P2RX5: variants seen among roughly 807,000 people sequenced by gnomAD.
P2RX5 encodes the protein P2X purinoceptor 5.
Under a neutral mutation model 54.1 loss-of-function variants are expected in P2RX5, and 46 were observed. The observed-to-expected ratio is 0.85, with a 90% CI of 0.67 to 1.09. P2RX5 has a LOEUF of 1.09. Among genes scored for constraint, P2RX5 ranks in the 50% least tolerant of loss-of-function variants. The pLI is 0.00. For missense variants in P2RX5, 566 were observed against 549.8 expected, an observed-to-expected ratio of 1.03 and a Z score of -0.29; for synonymous variants, 226 against 226.4, an observed-to-expected ratio of 1.00 and a Z score of 0.02.
At position 3,676,211 on chromosome 17, in the gene P2RX5, C is replaced by T. The variant is rs1321993758; in HGVS notation, c.1260-2334G>A. On this transcript the variant is annotated intron_variant, in intron 11 of 11. Coordinates refer to ENST00000225328, the MANE Select transcript of P2RX5 (RefSeq NM_002561.4). ...TTACGGGGAGACAACTCACATACAA[C>T]GGGGTAGGAGAAGAGAGCTAGTCAG... 10 of 985,400 alleles carry T rather than the reference C, an allele frequency of 1.0e-5. No individual in the cohort carries two copies. In the Admixed American group the frequency reaches 1.8e-4, roughly 18 times the overall value. The allele number at this position is 985,400 out of a possible 1,614,324, so 61.0% of individuals were successfully genotyped here.
the P2RX5 span, among the ~76,000 whole-genome samples, chr17:3,712,850 G>A: frequency 6.6e-6 from 1 of 152,148 alleles, no homozygotes; most frequent in Non-Finnish European, 1.5e-5. Context: ...GGGTGAGGCA[G>A]GAGAATTGCT....
Position 3,690,588 on chromosome 17 carries a change from C to T in P2RX5, c.436+17G>A, listed in dbSNP as rs1273600562. On this transcript the variant is annotated intron_variant, in intron 4 of 11. Transcript: ENST00000225328. ...CTCCGAGTCCTCCTTCAGCCCGTGG[C>T]CGCTCCAGGCCCTCACCGTTTCCAG... 1 of 1,613,338 alleles carries T rather than the reference C, an allele frequency of 6.2e-7. No homozygotes were observed. Among genetic ancestry groups the T allele is most frequent in the Non-Finnish European group, 8.5e-7 (1 of 1,179,846 alleles).
chr17:3,696,720 G>A (rs974229661), upstream of P2RX5, among the ~76,000 whole-genome samples: 2 of 152,192 alleles, frequency 1.3e-5, no homozygotes, highest in African/African-American at 2.4e-5. Flanking sequence ...GATTACAGGC[G>A]TGAGCCACCG....
the P2RX5 span, among the ~76,000 whole-genome samples, chr17:3,703,751 A>G: frequency 6.6e-6 from 1 of 151,994 alleles, no homozygotes. Flanking sequence ...GATTCCAACA[A>G]ACCCAAAAAA....
the P2RX5 span, among the ~76,000 whole-genome samples, chr17:3,702,337 A>ACTCTGTAAAATGGACCAATCAGCG: frequency 6.6e-6 from 1 of 152,144 alleles, no homozygotes; most frequent in Non-Finnish European, 1.5e-5. Context: ...ACCAACCAGC[A>ACTCTGTAAAATGGACCAATCAGCG]CTCTGTAAAA....
the P2RX5 span, among the ~76,000 whole-genome samples, chr17:3,703,745 C>G: frequency 2.6e-5 from 4 of 151,940 alleles, no homozygotes; most frequent in Admixed American, 2.6e-4. Context: ...GCCTGAGATT[C>G]CAACAAACCC....
chr17:3,696,563 TC>T (rs1165609469), upstream of P2RX5, among the ~76,000 whole-genome samples: 1 of 152,192 alleles, frequency 6.6e-6, no homozygotes, highest in African/African-American at 2.4e-5. Context: ...CAAGCGATTC[TC>T]CTGCCTCAGC....
At chr17:3,715,633 G>A in the P2RX5 span, among the ~76,000 whole-genome samples, 3 of 152,234 alleles carry the variant, frequency 2.0e-5, no homozygotes, top group African/African-American at 7.2e-5. Flanking sequence ...TGAGAAGATG[G>A]CTCGAGCCCC....
At chr17:3,688,799 C>A in intron 7 of P2RX5, 40 bp from the exon 8 acceptor site, 1 of 1,612,056 alleles carries the variant, frequency 6.2e-7, no homozygotes, top group Non-Finnish European at 8.5e-7. Context: ...ACACAGCTTT[C>A]CGGAGACGGA....
chr17:3,677,800 C>A, intron 11 of P2RX5: 2 of 985,374 alleles, frequency 2.0e-6, no homozygotes, highest in Non-Finnish European at 2.4e-6. Context: ...GAGGGAAAAT[C>A]CAAACACTCC....
At chr17:3,690,278 A>T (rs1367536116) in intron 5 of P2RX5, 128 bp from the exon 6 acceptor site, 9 of 1,171,036 alleles carry the variant, frequency 7.7e-6, no homozygotes, top group Non-Finnish European at 1.0e-5. Flanking sequence ...TAATTTGCTC[A>T]TGCTGGGGAG....
chr17:3,676,804 G>A (rs2050115421), intron 11 of P2RX5, among the ~76,000 whole-genome samples: 1 of 152,230 alleles, frequency 6.6e-6, no homozygotes, highest in Non-Finnish European at 1.5e-5. Context: ...GCTCACGCAT[G>A]TAATCCCAGC....
At chr17:3,692,037 A>G (rs2050631244) in intron 1 of P2RX5, 2 of 543,376 alleles carry the variant, frequency 3.7e-6, no homozygotes, top group Admixed American at 3.1e-5. Flanking sequence ...AGAGGCAAAG[A>G]CCAGCCGGGC....
In P2RX5 at chr17:3,691,043, G is replaced by A. The variant is rs781361673; in HGVS notation, c.289-16C>T. 2.2e-5 allele frequency: 36 copies of A among 1,601,182 alleles called. No individual in the cohort carries two copies. The Middle Eastern group carries it at 5.0e-4, about 22-fold the overall frequency. ...CGTTCTCTCCCTAAGGAACCAGAGAGGCACTGAGGAACCTCCTCCTGCCCC... is the reference window on the plus strand; with the variant it reads ...CGTTCTCTCCCTAAGGAACCAGAGAAGCACTGAGGAACCTCCTCCTGCCCC... On this transcript the variant is annotated splice_polypyrimidine_tract_variant and intron_variant, in intron 2 of 11. Transcript: ENST00000225328.
intron 1 of P2RX5, 93 bp downstream of exon 1, chr17:3,695,776 C>T (rs1244228132): frequency 5.3e-6 from 8 of 1,510,312 alleles, no homozygotes; most frequent in South Asian, 2.3e-5. Context: ...ACCGCGTGCA[C>T]GCCTGCGAAT....
chr17:3,719,235 CAA>C, the P2RX5 span, among the ~76,000 whole-genome samples: 8 of 66,240 alleles, frequency 1.2e-4, no homozygotes, highest in East Asian at 2.0e-3. Flanking sequence ...GATTCTTCCT[CAA>C]AAAAAAAAAA....
chr17:3,695,670 G>C (rs2050737176), intron 1 of P2RX5, among the ~76,000 whole-genome samples, 199 bp downstream of exon 1: 1 of 152,234 alleles, frequency 6.6e-6, no homozygotes, highest in South Asian at 2.1e-4. Context: ...CAGTGGGGGA[G>C]TGGAGAGCCC....
intron 1 of P2RX5, among the ~76,000 whole-genome samples, chr17:3,692,969 A>G (rs2050658868): frequency 6.6e-6 from 1 of 152,228 alleles, no homozygotes; most frequent in Non-Finnish European, 1.5e-5. Context: ...ACTCTCAAGA[A>G]AGTGAAAAGA....
the P2RX5 span, among the ~76,000 whole-genome samples, chr17:3,712,436 G>A: frequency 1.3e-5 from 2 of 152,162 alleles, no homozygotes; most frequent in South Asian, 4.1e-4. Flanking sequence ...GCCGGGGCTG[G>A]GATAACAGGC....
Sources: allele counts gnomAD v4.1 joint callset (sites outside exome capture counted in the v4.1 genomes callset), GRCh38; gene constraint gnomAD v4.1.1; transcripts MANE v1.5; gene names NCBI Gene and HGNC (gene_info 2026-07-23, HGNC 2026-07-21).